The following MAST4 variants were observed in gnomAD, a reference collection of about 807,000 sequenced individuals.
MAST4 encodes microtubule-associated serine/threonine-protein kinase 4.
A neutral mutation model predicts 162.7 loss-of-function variants in MAST4; 89 were observed. That is an observed-to-expected ratio of 0.55 (90% CI 0.46 to 0.65). MAST4 has a LOEUF of 0.65. Ranked by LOEUF, MAST4 falls within the 30% of genes least tolerant of loss-of-function variation. MAST4 has a pLI of 0.00. For missense variants in MAST4, 3,153 were observed against 3,374.0 expected (o/e 0.93, Z 1.62); for synonymous variants, 1,479 against 1,361.1 (o/e 1.09, Z -1.91).
In MAST4 at chr5:66,596,962, G is replaced by A. The variant is rs1404297617; in HGVS notation, c.307G>A (p.Ala103Thr). The change falls in exon 1 of 29, where the codon GCT (alanine) becomes ACT (threonine). Residue 103 changes from alanine (A) to threonine (T), a missense_variant. This residue lies in a region of MAST4 where 327 missense variants were observed against 336.5 expected (regional missense o/e 0.97). Transcript: ENST00000403625. The stretch of plus-strand genomic sequence containing the variant: ...GCTGCCGCCGCCGCTTCCCGGAGGA[G>A]CTGTGCCGCCCGCGCCCCGGGGCAG... ...LALPPPLPGGAVPPAPRGSSA... is the reference protein window; with the variant it reads ...LALPPPLPGGTVPPAPRGSSA... 11 of 1,441,726 alleles carry A rather than the reference G, an allele frequency of 7.6e-6. 1 individual carries two copies. In the East Asian group the frequency reaches 2.7e-4, roughly 36 times the overall value. 89.3% of individuals were successfully genotyped at this position (1,441,726 alleles called of 1,614,324 possible).
At chr5:66,868,592 C>T (rs1760707878) in intron 3 of MAST4, among the ~76,000 whole-genome samples, 1 of 150,438 alleles carries the variant, frequency 6.6e-6, no homozygotes, top group African/African-American at 2.4e-5. Flanking sequence ...TTGTGGTGAG[C>T]TGTTTACAGT....
chr5:67,163,091 G>GA lies in MAST4; in HGVS notation c.3968-49dup, dbSNP rs895147112. ...CTAATACAGTCTGGGCTACAACTGT[G>GA]AAAAAAAGGGGAAAATGACCATGGA... is the stretch of plus-strand genomic sequence containing the variant. On this transcript the variant is annotated intron_variant, in intron 28 of 28. Coordinates refer to ENST00000403625, the MANE Select transcript of MAST4 (RefSeq NM_001164664.2). The surrounding 1 kb of genome is among the most constrained non-coding windows in gnomAD (Gnocchi z 7.0). 28 of 1,542,838 alleles carry GA rather than the reference G, an allele frequency of 1.8e-5. No individual in the cohort carries two copies. The highest frequency in any genetic ancestry group is 1.6e-4 in the South Asian group (13 of 81,872).
At chr5:67,151,751 T>G (rs1771839932) in intron 24 of MAST4, among the ~76,000 whole-genome samples, 1 of 150,052 alleles carries the variant, frequency 6.7e-6, no homozygotes, top group African/African-American at 2.5e-5. Flanking sequence ...TTCCTTTTTT[T>G]TTTTCTTCTT....
intron 1 of MAST4, among the ~76,000 whole-genome samples, chr5:66,667,274 C>A (rs983215461): frequency 1.3e-5 from 2 of 152,096 alleles, no homozygotes; most frequent in African/African-American, 4.8e-5. Context: ...AATGTATGGG[C>A]GTTTGATTCA....
rs1770931963 is a variant in MAST4, at chr5:67,145,268, G to A, written c.2983G>A (p.Gly995Arg). The A allele has an allele frequency of 6.2e-7, 1 of 1,613,804 alleles. No homozygotes were observed. The highest frequency in any genetic ancestry group is 8.5e-7 in the Non-Finnish European group (1 of 1,179,888). The change falls in exon 23 of 29, where the codon GGA becomes AGA. Residue 995 changes from glycine (G) to arginine (R), a missense_variant. Transcript: ENST00000403625. The part of the protein sequence containing the change: ...GEQDEAASCP[G>R]DPHEEPGKPA... Reference sequence around the variant, plus strand: ...GCAAGATGAAGCTGCCTCCTGCCCTGGAGACCCCCATGAGGAGCCAGGAAA... The same window carrying A: ...GCAAGATGAAGCTGCCTCCTGCCCTAGAGACCCCCATGAGGAGCCAGGAAA...
intron 4 of MAST4, among the ~76,000 whole-genome samples, chr5:66,995,936 G>A (rs1175672476): frequency 6.6e-6 from 1 of 150,764 alleles, no homozygotes; most frequent in East Asian, 1.9e-4. Context: ...AACATGAGAA[G>A]TATAAAAGAG....
intron 1 of MAST4, among the ~76,000 whole-genome samples, chr5:66,687,679 TAC>T (rs1180915975): frequency 1.0e-4 from 14 of 138,248 alleles, no homozygotes; most frequent in South Asian, 2.3e-4. Flanking sequence ...TATCTATCTA[TAC>T]GCACCACATT....
intron 4 of MAST4, among the ~76,000 whole-genome samples, chr5:66,953,830 G>A (rs919657490): frequency 1.3e-5 from 2 of 152,164 alleles, no homozygotes; most frequent in African/African-American, 2.4e-5. Context: ...CAATATCTGT[G>A]TGCTATAGGA....
intron 12 of MAST4, among the ~76,000 whole-genome samples, chr5:67,118,250 G>A (rs760819952): frequency 4.6e-5 from 7 of 152,158 alleles, no homozygotes; most frequent in Non-Finnish European, 8.8e-5. Flanking sequence ...TAGATATGAA[G>A]GAATGGAACA....
Position 66,696,431 on chromosome 5 carries a change from A to G in MAST4, c.364-63278A>G, listed in dbSNP as rs576554914. On this transcript the variant is annotated intron_variant, in intron 1 of 28. Coordinates refer to ENST00000403625, the MANE Select transcript of MAST4 (RefSeq NM_001164664.2). ...GCACCTCCTACGGGTTTTAGTATCA[A>G]CCTCCTAGTCACACCCACTCATTCA... 3.3e-5 allele frequency among the ~76,000 whole-genome samples: 5 copies of G among 151,850 alleles called. No individual in the cohort carries two copies. In the South Asian group the frequency reaches 1.0e-3, roughly 32 times the overall value.
intron 2 of MAST4, among the ~76,000 whole-genome samples, chr5:66,762,571 G>C (rs1753902732): frequency 6.6e-6 from 1 of 152,208 alleles, no homozygotes; most frequent in South Asian, 2.1e-4. Context: ...TTGGAGCACA[G>C]AGAAGACAGC....
intron 1 of MAST4, among the ~76,000 whole-genome samples, chr5:66,645,724 G>A (rs560174223): frequency 8.5e-5 from 13 of 152,166 alleles, no homozygotes; most frequent in East Asian, 3.9e-4. Flanking sequence ...TATTAAAAAA[G>A]TAAAGGTAAA....
At position 67,145,125 on chromosome 5, in the gene MAST4, G is replaced by GT. The variant is rs1401071370; in HGVS notation, c.2859-14dup. 6.4e-7 allele frequency: 1 copy of GT among 1,567,504 alleles called. No individual in the cohort carries two copies. The highest frequency in any genetic ancestry group is 1.2e-5 in the South Asian group (1 of 86,366). On this transcript the variant is annotated intron_variant, in intron 22 of 28. Transcript: ENST00000403625. ...TTTTCTAGTATGTATATATGACTTT[G>GT]TTTTTGCTTTTAATTAAGGCAACAG...
chr5:67,133,791 A>G (rs1769278703), intron 17 of MAST4, 145 bp downstream of exon 17: 2 of 882,602 alleles, frequency 2.3e-6, no homozygotes, highest in Non-Finnish European at 3.4e-6. Flanking sequence ...TAAAGTGCAA[A>G]TTGCTCCCAT....
At chr5:66,940,009 GTGAGTTATGATCA>G (rs1168803401) in intron 4 of MAST4, among the ~76,000 whole-genome samples, 2 of 152,026 alleles carry the variant, frequency 1.3e-5, no homozygotes, top group African/African-American at 4.8e-5. Context: ...CGAGGCTGCA[GTGAGTTATGATCA>G]TGCTCCTACA....
intron 4 of MAST4, among the ~76,000 whole-genome samples, chr5:66,992,886 T>C (rs946731190): frequency 4.6e-5 from 7 of 152,184 alleles, no homozygotes; most frequent in Admixed American, 1.3e-4. Flanking sequence ...TTGAGCACTG[T>C]TGATGTAGCA....
intron 1 of MAST4, among the ~76,000 whole-genome samples, chr5:66,732,299 A>C (rs940247109): frequency 6.6e-6 from 1 of 151,060 alleles, no homozygotes; most frequent in East Asian, 2.0e-4. Flanking sequence ...CACCTTCTCC[A>C]TCTCTCCCCC....
At chr5:66,956,416 G>A (rs1381637595) in intron 4 of MAST4, among the ~76,000 whole-genome samples, 1 of 152,126 alleles carries the variant, frequency 6.6e-6, no homozygotes, top group African/African-American at 2.4e-5. Flanking sequence ...TGATGATCAT[G>A]GCTTAGATTC....
At chr5:66,750,398 C>T (rs1413749510) in intron 1 of MAST4, among the ~76,000 whole-genome samples, 3 of 152,202 alleles carry the variant, frequency 2.0e-5, no homozygotes, top group Non-Finnish European at 4.4e-5. Context: ...GTTCATCTCA[C>T]TAGGGAGTGC....
Sources: allele counts gnomAD v4.1 joint callset (sites outside exome capture counted in the v4.1 genomes callset), GRCh38; gene constraint gnomAD v4.1.1; regional missense constraint gnomAD v4.1.1; non-coding constraint Gnocchi (gnomAD v3.1); transcripts MANE v1.5; gene names NCBI Gene and HGNC (gene_info 2026-07-23, HGNC 2026-07-21).